FBXO21: variants seen among roughly 807,000 people sequenced by gnomAD.
FBXO21 encodes F-box protein 21, also known as F-box only protein 21.
A neutral mutation model predicts 76.6 loss-of-function variants in FBXO21; 32 were observed. The observed-to-expected ratio is 0.42, with a 90% CI of 0.32 to 0.56. The LOEUF is 0.56. FBXO21 is among the 20% of genes least tolerant of loss of function. The probability of loss-of-function intolerance (pLI) is 0.16; values close to 1 mark genes in which losing one functional copy is unlikely to be tolerated. For missense variants in FBXO21, 586 were observed against 797.3 expected (o/e 0.73, Z 3.19); for synonymous variants, 328 against 311.5 (o/e 1.05, Z -0.56).
intron 11 of FBXO21, among the ~76,000 whole-genome samples, chr12:117,148,080 C>T (rs1413669022): frequency 6.6e-6 from 1 of 152,166 alleles, no homozygotes; most frequent in Non-Finnish European, 1.5e-5. Flanking sequence ...ACAGGATGAA[C>T]GCAGGCATCT....
chr12:117,187,726 C>G (rs1956297890), intron 2 of FBXO21, among the ~76,000 whole-genome samples: 1 of 152,202 alleles, frequency 6.6e-6, no homozygotes, highest in Admixed American at 6.5e-5. Context: ...TCAAAACATA[C>G]ACAAAACCAG....
At chr12:117,179,833 G>A (rs988726779) in intron 3 of FBXO21, among the ~76,000 whole-genome samples, 2 of 152,120 alleles carry the variant, frequency 1.3e-5, no homozygotes, top group Admixed American at 6.6e-5. Flanking sequence ...AAACCTCCCC[G>A]TCTATTATTT....
intron 9 of FBXO21, among the ~76,000 whole-genome samples, chr12:117,159,992 A>G (rs529384495): frequency 5.8e-4 from 89 of 152,254 alleles, no homozygotes; most frequent in African/African-American, 2.1e-3. Context: ...CGTCCCCACC[A>G]AATACTCTAG....
chr12:117,181,596 A>ACAGAGT (rs1389644697), intron 3 of FBXO21, among the ~76,000 whole-genome samples: 1 of 60,990 alleles, frequency 1.6e-5, no homozygotes, highest in African/African-American at 2.1e-4. Flanking sequence ...TCTATCTGAG[A>ACAGAGT]CAGTCTATCT....
rs759770450 is a variant in FBXO21, at chr12:117,190,304, G to C, written c.153C>G (p.Asp51Glu). 9 of 1,529,256 alleles carry C rather than the reference G, an allele frequency of 5.9e-6. No individual in the cohort carries two copies. The highest frequency in any genetic ancestry group is 7.8e-6 in the Non-Finnish European group (9 of 1,149,362). 94.7% of individuals were successfully genotyped at this position (1,529,256 alleles called of 1,614,324 possible). A position where few individuals can be genotyped will look rare whatever the true frequency, so the allele number is the denominator to read the frequency against. The change falls in exon 1 of 12, where the codon GAC becomes GAG. Residue 51 changes from aspartate (D) to glutamate (E), a missense_variant. This residue lies in a region of FBXO21 where 152 missense variants were observed against 127.2 expected (regional missense o/e 1.19). Coordinates refer to ENST00000622495, the MANE Select transcript of FBXO21 (RefSeq NM_015002.3). ...ILCCGSLTAA[D>E]IGRVSSTCRR... ...GGCAGGTGCTGGAGACACGGCCGAT[G>C]TCGGCGGCCGTCAGCGAGCCGCAGC...
intron 7 of FBXO21, among the ~76,000 whole-genome samples, chr12:117,171,385 AT>A (rs1018596165): frequency 4.0e-5 from 6 of 151,652 alleles, no homozygotes; most frequent in Non-Finnish European, 8.8e-5. Flanking sequence ...AAAAAAAGAA[AT>A]AACAAACACT....
At chr12:117,158,151 A>T in intron 9 of FBXO21, 88 bp from the exon 10 acceptor site, 1 of 1,487,860 alleles carries the variant, frequency 6.7e-7, no homozygotes, top group South Asian at 1.2e-5. Flanking sequence ...CTACCTACGT[A>T]ACCTAACAAA....
intron 7 of FBXO21, among the ~76,000 whole-genome samples, chr12:117,168,335 C>T (rs1046447134): frequency 1.3e-5 from 2 of 152,078 alleles, no homozygotes; most frequent in Admixed American, 1.3e-4. Context: ...ACCATCCTGG[C>T]CAACATTGTG....
intron 9 of FBXO21, among the ~76,000 whole-genome samples, chr12:117,164,129 A>G (rs1248637871): frequency 2.6e-5 from 4 of 151,880 alleles, no homozygotes; most frequent in African/African-American, 9.7e-5. Context: ...ATACATAAAT[A>G]AAATGAAAAT....
At chr12:117,169,098 A>C (rs892857254) in intron 7 of FBXO21, among the ~76,000 whole-genome samples, 1 of 152,256 alleles carries the variant, frequency 6.6e-6, no homozygotes, top group African/African-American at 2.4e-5. Flanking sequence ...GATAGACTGG[A>C]TAAAGAAAAT....
intron 7 of FBXO21, 21 bp downstream of exon 7, chr12:117,172,450 T>C (rs757716164): frequency 5.6e-6 from 9 of 1,607,064 alleles, no homozygotes; most frequent in Non-Finnish European, 7.7e-6. Flanking sequence ...GGACCACAGA[T>C]AATGTGTCAC....
chr12:117,142,745 C>T lies in FBXO21; in HGVS notation c.*3342G>A, dbSNP rs752919011. 4 of 146,950 alleles carry T rather than the reference C, an allele frequency of 2.7e-5. No homozygotes were observed. Among genetic ancestry groups the T allele is most frequent in the Admixed American group, 2.7e-4 (4 of 14,794 alleles). 9.1% of individuals were successfully genotyped at this position (146,950 alleles called of 1,614,324 possible). On this transcript the variant is annotated 3_prime_UTR_variant, in exon 12 of 12. Transcript: ENST00000622495. Reference sequence around the variant, plus strand: ...GCATCTTGATCATCATGGACAGATACTTTTCAGTTAAAAAGTTGCTGGTAG... The same window carrying T: ...GCATCTTGATCATCATGGACAGATATTTTTCAGTTAAAAAGTTGCTGGTAG...
intron 7 of FBXO21, among the ~76,000 whole-genome samples, chr12:117,171,429 AG>A (rs914115288): frequency 1.9e-4 from 29 of 151,770 alleles, no homozygotes; most frequent in African/African-American, 5.3e-4. Flanking sequence ...GAGAGGAGAA[AG>A]GGATGAGGAA....
At position 117,158,054 on chromosome 12, in the gene FBXO21, T is replaced by G; in HGVS notation, c.1336A>C (p.Ile446Leu). Residue 446 changes from isoleucine (I) to leucine (L), a missense_variant, in exon 10 of 12, where the codon ATC becomes CTC. Transcript: ENST00000622495. ...LGIWPEKVLD[I>L]LQHIQTLDPG... ...TCTAGGGTTTGGATGTGCTGGAGGA[T>G]GTCAAGCACCTTCAAAACAAGACAG... 6.2e-7 allele frequency: 1 copy of G among 1,614,214 alleles called. No individual in the cohort carries two copies. The highest frequency in any genetic ancestry group is 1.3e-5 in the African/African-American group (1 of 75,064).
chr12:117,162,305 T>G (rs1955988911), intron 9 of FBXO21, among the ~76,000 whole-genome samples: 1 of 152,200 alleles, frequency 6.6e-6, no homozygotes, highest in Non-Finnish European at 1.5e-5. Flanking sequence ...TCAGAAGCGC[T>G]CTGGCCTTGG....
chr12:117,179,103 C>A (rs1386529694), intron 3 of FBXO21, among the ~76,000 whole-genome samples: 2 of 152,294 alleles, frequency 1.3e-5, no homozygotes, highest in African/African-American at 4.8e-5. Context: ...AACAACTTGC[C>A]AATCTTGAGA....
At position 117,150,640 on chromosome 12, in the gene FBXO21, T is replaced by C. The variant is rs150444884; in HGVS notation, c.1676-4363A>G. Among the ~76,000 whole-genome samples, 203 of 152,360 alleles carry C rather than the reference T, an allele frequency of 1.3e-3. 1 individual carries two copies. The highest frequency in any genetic ancestry group is 6.8e-3 in the Middle Eastern group (2 of 294). On this transcript the variant is annotated intron_variant, in intron 11 of 11. Coordinates refer to ENST00000622495, the MANE Select transcript of FBXO21 (RefSeq NM_015002.3). ...CTAGAAGACTCCTTGTGAATGACAA[T>C]TGTCTTGCTATTTTAACAAAGGGGC...
chr12:117,179,481 T>G (rs1481998878), intron 3 of FBXO21, among the ~76,000 whole-genome samples: 1 of 152,178 alleles, frequency 6.6e-6, no homozygotes, highest in Non-Finnish European at 1.5e-5. Flanking sequence ...ATTTTATTTG[T>G]TGAAGAACCT....
intron 11 of FBXO21, among the ~76,000 whole-genome samples, chr12:117,152,733 T>C (rs1468502554): frequency 6.6e-6 from 1 of 152,186 alleles, no homozygotes; most frequent in East Asian, 1.9e-4. Context: ...GGTGTGATAA[T>C]GTAATTTGGT....
Sources: gnomAD v4.1 joint callset for allele counts (sites outside exome capture counted in the v4.1 genomes callset) on GRCh38, gnomAD v4.1.1 for gene constraint, gnomAD v4.1.1 regional missense constraint, MANE v1.5 for transcripts, NCBI Gene and HGNC (gene_info 2026-07-23, HGNC 2026-07-21) for gene names.